Variants in BCL2L1 observed in about 807,000 individuals in gnomAD.
The protein encoded by BCL2L1 is bcl-2-like protein 1.
In BCL2L1, 1 loss-of-function variant was observed where a neutral mutation model predicts 18.7. The ratio of observed to expected loss-of-function variants is 0.05; its 90% CI spans 0.02 to 0.25. BCL2L1 has a LOEUF of 0.25. BCL2L1 is among the 10% of genes least tolerant of loss of function. The probability of loss-of-function intolerance (pLI) is 1.00; values close to 1 mark genes in which losing one functional copy is unlikely to be tolerated. For synonymous variants in BCL2L1, 103 were observed against 122.7 expected (o/e 0.84, Z 1.06); for missense variants, 207 against 304.9 (o/e 0.68, Z 2.39).
chr20:31,718,405 C>T (rs2061572703), intron 2 of BCL2L1, among the ~76,000 whole-genome samples: 2 of 152,166 alleles, frequency 1.3e-5, no homozygotes, highest in Non-Finnish European at 2.9e-5. Context: ...CCTGTAATCC[C>T]AGCATTTTGG....
chr20:31,687,873 T>C (rs1347034003), intron 2 of BCL2L1, among the ~76,000 whole-genome samples: 1 of 151,890 alleles, frequency 6.6e-6, no homozygotes, highest in Non-Finnish European at 1.5e-5. Flanking sequence ...ATGTTCTTCC[T>C]CCTGAGAGGC....
At chr20:31,717,016 AAG>A (rs1213085852) in intron 2 of BCL2L1, among the ~76,000 whole-genome samples, 1 of 152,150 alleles carries the variant, frequency 6.6e-6, no homozygotes, top group Non-Finnish European at 1.5e-5. Flanking sequence ...TCAAAGAAAA[AAG>A]AGGGAGTCCT....
intron 2 of BCL2L1, among the ~76,000 whole-genome samples, chr20:31,700,176 C>T (rs1156765679): frequency 6.6e-6 from 1 of 152,224 alleles, no homozygotes; most frequent in African/African-American, 2.4e-5. Context: ...TTAGCATCTT[C>T]AGCATGTAGC....
intron 2 of BCL2L1, chr20:31,720,964 C>CAA: frequency 7.1e-6 from 7 of 985,428 alleles, no homozygotes; most frequent in Non-Finnish European, 8.4e-6. Flanking sequence ...TGTGACACAG[C>CAA]AAGTGCTCCA....
At chr20:31,705,848 TG>T (rs2061362001) in intron 2 of BCL2L1, among the ~76,000 whole-genome samples, 1 of 152,176 alleles carries the variant, frequency 6.6e-6, no homozygotes, top group Admixed American at 6.5e-5. Flanking sequence ...TCCTCTAGGT[TG>T]ACTTCTTGTC....
intron 2 of BCL2L1, among the ~76,000 whole-genome samples, chr20:31,671,980 T>C (rs1272924869): frequency 6.8e-6 from 1 of 147,030 alleles, no homozygotes; most frequent in Non-Finnish European, 1.5e-5. Flanking sequence ...TAGTATAGTA[T>C]AGCTGAGGTA....
chr20:31,688,536 G>T (rs1020494549), intron 2 of BCL2L1, among the ~76,000 whole-genome samples: 3 of 152,094 alleles, frequency 2.0e-5, no homozygotes, highest in Admixed American at 6.5e-5. Context: ...TCTCCACTTG[G>T]GTGGAAGGGT....
intron 2 of BCL2L1, among the ~76,000 whole-genome samples, chr20:31,666,642 T>A (rs907662791): frequency 6.6e-6 from 1 of 151,916 alleles, no homozygotes; most frequent in African/African-American, 2.4e-5. Flanking sequence ...GTAGAATGGG[T>A]CCTGGGACTT....
intron 2 of BCL2L1, among the ~76,000 whole-genome samples, chr20:31,718,430 C>T (rs903204917): frequency 2.0e-5 from 3 of 151,864 alleles, no homozygotes; most frequent in African/African-American, 7.3e-5. Flanking sequence ...CTGAGGCAGG[C>T]GGATCACCTG....
intron 2 of BCL2L1, among the ~76,000 whole-genome samples, chr20:31,702,457 C>T (rs941594146): frequency 1.3e-5 from 2 of 152,138 alleles, no homozygotes; most frequent in Non-Finnish European, 1.5e-5. Context: ...ATGGTGAAAC[C>T]CCATCTCTAC....
At chr20:31,708,642 G>A (rs1172402649) in intron 2 of BCL2L1, among the ~76,000 whole-genome samples, 3 of 152,132 alleles carry the variant, frequency 2.0e-5, no homozygotes, top group Admixed American at 1.3e-4. Context: ...AGCTGTCAAC[G>A]GCTCCCAATG....
chr20:31,723,615 CG>C, upstream of BCL2L1: 2 of 985,522 alleles, frequency 2.0e-6, no homozygotes, highest in Non-Finnish European at 2.4e-6. Context: ...GGAGGGGCCT[CG>C]CCCCCGGCGG....
intron 2 of BCL2L1, among the ~76,000 whole-genome samples, chr20:31,698,472 G>A (rs1390707109): frequency 6.6e-6 from 1 of 152,118 alleles, no homozygotes; most frequent in Non-Finnish European, 1.5e-5. Flanking sequence ...CTGGGCTCAA[G>A]TGATCCTCCC....
intron 2 of BCL2L1, among the ~76,000 whole-genome samples, chr20:31,700,797 G>A (rs2061265872): frequency 6.6e-6 from 1 of 152,186 alleles, no homozygotes; most frequent in Non-Finnish European, 1.5e-5. Context: ...GAAGTATCTT[G>A]AGAGCAGAAC....
chr20:31,688,165 C>T (rs537955076), intron 2 of BCL2L1, among the ~76,000 whole-genome samples: 10 of 151,984 alleles, frequency 6.6e-5, no homozygotes, highest in Non-Finnish European at 8.8e-5. Flanking sequence ...TGCTGATGGC[C>T]GGCGCGGTGG....
chr20:31,714,603 T>C (rs1405302333), intron 2 of BCL2L1, among the ~76,000 whole-genome samples: 7 of 152,190 alleles, frequency 4.6e-5, no homozygotes, highest in Non-Finnish European at 1.0e-4. Context: ...GGTATTATTA[T>C]TTGTCCCAAG....
intron 2 of BCL2L1, among the ~76,000 whole-genome samples, chr20:31,672,889 G>A (rs1373133719): frequency 6.6e-6 from 1 of 151,734 alleles, no homozygotes; most frequent in Non-Finnish European, 1.5e-5. Context: ...AATTTTTGGA[G>A]AGATGGAGTC....
At chr20:31,666,211 T>A in intron 2 of BCL2L1, 125 bp from the exon 3 acceptor site, 2 of 1,249,376 alleles carry the variant, frequency 1.6e-6, no homozygotes, top group Non-Finnish European at 2.3e-6. Flanking sequence ...CTGTGCCCAC[T>A]CTGGGCCAGG....
intron 2 of BCL2L1, among the ~76,000 whole-genome samples, chr20:31,694,163 G>A (rs1201654972): frequency 6.6e-6 from 1 of 152,158 alleles, no homozygotes; most frequent in East Asian, 1.9e-4. Context: ...TGTAGGGGGG[G>A]CTTCTGGACA....
Sources: gnomAD v4.1 joint callset for allele counts (sites outside exome capture counted in the v4.1 genomes callset) on GRCh38, gnomAD v4.1.1 for gene constraint, MANE v1.5 for transcripts, NCBI Gene and HGNC (gene_info 2026-07-23, HGNC 2026-07-21) for gene names.